The following WDFY4 variants were observed in gnomAD, a reference collection of about 807,000 sequenced individuals.
The protein encoded by WDFY4 is WD repeat- and FYVE domain-containing protein 4.
A neutral mutation model predicts 351.9 loss-of-function variants in WDFY4; 169 were observed. That is an observed-to-expected ratio of 0.48 (90% CI 0.42 to 0.55). The LOEUF is 0.55. Among genes scored for constraint, WDFY4 ranks in the 20% least tolerant of loss-of-function variants. The pLI, the probability that WDFY4 is intolerant of heterozygous loss-of-function variation, is 0.00. For synonymous variants in WDFY4, 1,622 were observed against 1,574.6 expected, an observed-to-expected ratio of 1.03 and a Z score of -0.71; for missense variants, 3,803 against 3,935.6, an observed-to-expected ratio of 0.97 and a Z score of 0.90.
At chr10:48,897,976 C>T (rs993368402) in intron 45 of WDFY4, among the ~76,000 whole-genome samples, 2 of 152,122 alleles carry the variant, frequency 1.3e-5, no homozygotes, top group Admixed American at 1.3e-4. Context: ...AGGGGTAAGA[C>T]CTCCCTTGCT....
chr10:48,932,942 AG>A (rs779832583), intron 47 of WDFY4, among the ~76,000 whole-genome samples: 14 of 152,166 alleles, frequency 9.2e-5, no homozygotes, highest in Non-Finnish European at 4.4e-5. Flanking sequence ...CGAAGAGCTG[AG>A]CAAGGGCAGT....
chr10:48,911,665 G>A (rs1466396171), intron 47 of WDFY4, among the ~76,000 whole-genome samples: 1 of 152,152 alleles, frequency 6.6e-6, no homozygotes, highest in Non-Finnish European at 1.5e-5. Context: ...TTTTAACTAT[G>A]TATAAAAATA....
At chr10:48,974,527 A>AAAACAACAAAAAAAAAAC in intron 57 of WDFY4, among the ~76,000 whole-genome samples, 1 of 23,148 alleles carries the variant, frequency 4.3e-5, no homozygotes. Flanking sequence ...AAAAAAAAAA[A>AAAACAACAAAAAAAAAAC]AACAACTCAT....
chr10:48,847,101 C>T (rs1564413053), intron 39 of WDFY4, among the ~76,000 whole-genome samples: 1 of 152,136 alleles, frequency 6.6e-6, no homozygotes, highest in Non-Finnish European at 1.5e-5. Flanking sequence ...TTTATTGTCT[C>T]GCAGTCCCGG....
chr10:48,903,686 A>G (rs1837474767), intron 47 of WDFY4, among the ~76,000 whole-genome samples: 1 of 152,244 alleles, frequency 6.6e-6, no homozygotes, highest in Non-Finnish European at 1.5e-5. Context: ...CACTGTGGCT[A>G]TCTGAAGCTC....
chr10:48,811,442 TG>T, intron 29 of WDFY4, 96 bp from the exon 30 acceptor site: 2 of 1,026,688 alleles, frequency 1.9e-6, no homozygotes, highest in Non-Finnish European at 2.8e-6. Flanking sequence ...TTCTATGGGA[TG>T]GGTGGGTGGC....
In WDFY4 at chr10:48,974,516, A is replaced by C. The variant is rs147305009; in HGVS notation, c.8929-346A>C. Among the ~76,000 whole-genome samples the C allele has an allele frequency of 2.4e-4, 4 of 16,332 alleles. 1 individual carries two copies. Among genetic ancestry groups the C allele is most frequent in the Non-Finnish European group, 1.7e-3 (4 of 2,398 alleles). 10.7% of individuals were successfully genotyped at this position (16,332 alleles called of 152,430 possible). On this transcript the variant is annotated intron_variant, in intron 57 of 61. Coordinates refer to ENST00000325239, the MANE Select transcript of WDFY4 (RefSeq NM_001394531.1). ...AGACTCCGTCTCAAAAAAAAAAAAAAAAAAAAAAAAAAACAACTCATGACA... is the reference window on the plus strand; with the variant it reads ...AGACTCCGTCTCAAAAAAAAAAAAACAAAAAAAAAAAAACAACTCATGACA...
In WDFY4 at chr10:48,980,874, T is replaced by A. The variant is rs546789424; in HGVS notation, c.9377-493T>A. On this transcript the variant is annotated intron_variant, in intron 60 of 61. Coordinates refer to ENST00000325239, the MANE Select transcript of WDFY4 (RefSeq NM_001394531.1). Reference sequence around the variant, plus strand: ...GTCATTAAAATGAGTGAAGTAACAATCATTGAGTTATATTTTTTGAAAAAA... The same window carrying A: ...GTCATTAAAATGAGTGAAGTAACAAACATTGAGTTATATTTTTTGAAAAAA... Among the ~76,000 whole-genome samples, 72 of 152,298 alleles carry A rather than the reference T, an allele frequency of 4.7e-4. No individual in the cohort carries two copies. The Middle Eastern group carries it at 0.014, about 29-fold the overall frequency.
chr10:48,787,061 T>C (rs999100882), intron 20 of WDFY4, among the ~76,000 whole-genome samples, 191 bp downstream of exon 20: 1 of 152,186 alleles, frequency 6.6e-6, no homozygotes, highest in Non-Finnish European at 1.5e-5. Flanking sequence ...GACAATATCT[T>C]TAGATTTCAA....
chr10:48,908,499 G>C lies in WDFY4; in HGVS notation c.7586+6636G>C, dbSNP rs77256944. The stretch of plus-strand genomic sequence containing the variant: ...TAAGGTGCCTGAATTGCCTTACTCT[G>C]TGCCTCAATTGTATATCTAGGCTGA... On this transcript the variant is annotated intron_variant, in intron 47 of 61. Transcript: ENST00000325239. Among the ~76,000 whole-genome samples the C allele has an allele frequency of 7.4e-3, 1,131 of 152,270 alleles. 21 individuals carry two copies. The highest frequency in any genetic ancestry group is 0.026 in the African/African-American group (1,086 of 41,550).
intron 1 of WDFY4, among the ~76,000 whole-genome samples, chr10:48,700,772 A>G (rs766023324): frequency 6.6e-6 from 1 of 152,216 alleles, no homozygotes; most frequent in Non-Finnish European, 1.5e-5. Flanking sequence ...CAGGGGGCCT[A>G]GTGCGGAGCT....
chr10:48,768,968 C>T (rs958955649), intron 13 of WDFY4, among the ~76,000 whole-genome samples: 4 of 152,012 alleles, frequency 2.6e-5, no homozygotes, highest in East Asian at 1.9e-4. Flanking sequence ...ACTGTCACTA[C>T]GGCTGCAGTA....
chr10:48,686,207 G>A (rs775314503), intron 1 of WDFY4, among the ~76,000 whole-genome samples: 12 of 151,472 alleles, frequency 7.9e-5, no homozygotes, highest in African/African-American at 1.9e-4. Context: ...TCGGCCAGGC[G>A]CAGTGGTTCA....
At chr10:48,689,800 G>A (rs1344270320) in intron 1 of WDFY4, among the ~76,000 whole-genome samples, 1 of 152,114 alleles carries the variant, frequency 6.6e-6, no homozygotes, top group African/African-American at 2.4e-5. Context: ...TAATAATAAT[G>A]GGTTTAGTAC....
At position 48,863,100 on chromosome 10, in the gene WDFY4, G is replaced by A. The variant is rs554442151; in HGVS notation, c.6664-4165G>A. 2.4e-3 allele frequency among the ~76,000 whole-genome samples: 372 copies of A among 152,260 alleles called. 4 individuals are homozygous for A. The highest frequency in any genetic ancestry group is 3.1e-3 in the Non-Finnish European group (211 of 68,006). ...CCATATTTTGTTTATTTGTTCATCAGTTGGTGGACATTTAGGTTGTTTCCA... is the reference window on the plus strand; with the variant it reads ...CCATATTTTGTTTATTTGTTCATCAATTGGTGGACATTTAGGTTGTTTCCA... On this transcript the variant is annotated intron_variant, in intron 39 of 61. Coordinates refer to ENST00000325239, the MANE Select transcript of WDFY4 (RefSeq NM_001394531.1).
intron 51 of WDFY4, among the ~76,000 whole-genome samples, chr10:48,947,860 G>A (rs1252979177): frequency 6.6e-6 from 1 of 152,192 alleles, no homozygotes; most frequent in African/African-American, 2.4e-5. Context: ...TCCAGACCCT[G>A]CAATGGTCTG....
In WDFY4 at chr10:48,729,434, A is replaced by G; in HGVS notation, c.974A>G (p.Tyr325Cys). The change falls in exon 8 of 62, where the codon TAT (tyrosine) becomes TGT (cysteine). Residue 325 changes from tyrosine to cysteine, a missense_variant and splice_region_variant. Around this residue, in one of 3 missense-constraint regions of WDFY4, gnomAD observed 488 missense variants for 456.8 expected, o/e 1.07. Transcript: ENST00000325239. ...GCTGGCCTCATCTGTTCCCCCAGGT[A>G]TGATGGGCTGACCCAGAGCGAAGTG... ...YPLLLKVLLR[Y>C]DGLTQSEVDP... The G allele has an allele frequency of 1.3e-6, 2 of 1,550,746 alleles. No individual in the cohort carries two copies. The highest frequency in any genetic ancestry group is 1.7e-6 in the Non-Finnish European group (2 of 1,146,972).
chr10:48,952,916 T>G (rs148376626), intron 51 of WDFY4, among the ~76,000 whole-genome samples: 1 of 152,302 alleles, frequency 6.6e-6, no homozygotes, highest in East Asian at 1.9e-4. Flanking sequence ...GCTCAGAGAA[T>G]GCTGGGTCCA....
In WDFY4 at chr10:48,883,389, GGTGTGT is replaced by G. The variant is rs71026226; in HGVS notation, c.7167+6205_7167+6210del. Among the ~76,000 whole-genome samples the G allele has an allele frequency of 6.0e-5, 9 of 150,676 alleles. 1 individual carries two copies. The highest frequency in any genetic ancestry group is 2.2e-4 in the African/African-American group (9 of 41,150). On this transcript the variant is annotated intron_variant, in intron 43 of 61. Coordinates refer to ENST00000325239, the MANE Select transcript of WDFY4 (RefSeq NM_001394531.1). ...AGGCAAATAGAAAGTTTGTGCAAGG[GGTGTGT>G]GTGTGTGTGTGTGTTACTCTCTACA...
Sources: gnomAD v4.1 joint callset for allele counts (sites outside exome capture counted in the v4.1 genomes callset) on GRCh38, gnomAD v4.1.1 for gene constraint, gnomAD v4.1.1 regional missense constraint, MANE v1.5 for transcripts, NCBI Gene and HGNC (gene_info 2026-07-23, HGNC 2026-07-21) for gene names.